OR52N2: variants seen among roughly 807,000 people sequenced by gnomAD.
OR52N2 encodes the protein olfactory receptor 52N2.
For synonymous variants in OR52N2, 129 were observed against 72.0 expected (o/e 1.79, Z -4.01); for missense variants, 326 against 196.6 (o/e 1.66, Z -3.94).
Position 5,809,037 on chromosome 11 carries a change from G to C in OR52N2, c.-72G>C, listed in dbSNP as rs1028937749. On this transcript the variant is annotated 5_prime_UTR_variant, in exon 1 of 2. Coordinates refer to ENST00000317037, the MANE Select transcript of OR52N2 (RefSeq NM_001005174.3). ...CCTGAGACTACCGCAACGGGGCATT[G>C]GAATGCGTCTCCCCTGGGTAGGATG... Among the ~76,000 whole-genome samples, 1 of 152,134 alleles carries C rather than the reference G, an allele frequency of 6.6e-6. No homozygotes were observed. The highest frequency in any genetic ancestry group is 1.5e-5 in the Non-Finnish European group (1 of 68,024).
chr11:5,810,228 T>C (rs73394317), intron 1 of OR52N2, among the ~76,000 whole-genome samples: 3 of 152,150 alleles, frequency 2.0e-5, no homozygotes, highest in Non-Finnish European at 4.4e-5. Flanking sequence ...GTGTCTATGC[T>C]AGGGACTGGA....
At chr11:5,809,325 G>C (rs1846333324) in intron 1 of OR52N2, among the ~76,000 whole-genome samples, 1 of 151,958 alleles carries the variant, frequency 6.6e-6, no homozygotes, top group Non-Finnish European at 1.5e-5. Flanking sequence ...CCATGGGCTG[G>C]GGTCCCCCAT....
At chr11:5,816,524 T>C (rs992447657) in intron 1 of OR52N2, among the ~76,000 whole-genome samples, 2 of 151,160 alleles carry the variant, frequency 1.3e-5, no homozygotes, top group African/African-American at 4.9e-5. Context: ...TGGTCTCCAA[T>C]TTAGGAAGCC....
chr11:5,820,486 A>G lies in OR52N2; in HGVS notation c.151A>G (p.Ile51Val). Residue 51 changes from isoleucine (I) to valine (V), a missense_variant, in exon 2 of 2, where the codon ATC becomes GTC. Transcript: ENST00000317037. ...GGGGAACTGTGGGCTCATCTGCCTC[A>G]TCAGCCATGAGGAGGCCCTGCACCG... The part of the protein sequence containing the change: ...VVGNCGLICL[I>V]SHEEALHRPM... 1.3e-6 allele frequency: 1 copy of G among 779,162 alleles called. No individual in the cohort carries two copies. The highest frequency in any genetic ancestry group is 2.4e-6 in the Non-Finnish European group (1 of 417,146). 48.3% of individuals were successfully genotyped at this position (779,162 alleles called of 1,614,324 possible). A position where few individuals can be genotyped will look rare whatever the true frequency, so the allele number is the denominator to read the frequency against.
chr11:5,820,382 T>G lies in OR52N2; in HGVS notation c.47T>G (p.Leu16Trp), dbSNP rs778638194. The G allele has an allele frequency of 2.6e-6, 2 of 780,932 alleles. No homozygotes were observed. Among genetic ancestry groups the G allele is most frequent in the Non-Finnish European group, 4.8e-6 (2 of 418,074 alleles). The allele number at this position is 780,932 out of a possible 1,614,324, so 48.4% of individuals were successfully genotyped here. Residue 16 changes from leucine (L) to tryptophan (W), a missense_variant, in exon 2 of 2, where the codon TTG becomes TGG. Coordinates refer to ENST00000317037, the MANE Select transcript of OR52N2 (RefSeq NM_001005174.3). ...SSSLTPGFFI[L>W]NGVPGLEATH... ...AGCCTGACCCCAGGATTCTTTATCT[T>G]GAATGGCGTTCCTGGGCTGGAAGCC...
intron 1 of OR52N2, among the ~76,000 whole-genome samples, chr11:5,814,031 T>C (rs1265014484): frequency 1.3e-5 from 2 of 152,134 alleles, no homozygotes; most frequent in Non-Finnish European, 2.9e-5. Flanking sequence ...AACACAAGTA[T>C]CAGAAGCCCA....
At chr11:5,816,290 C>G (rs1846403918) in intron 1 of OR52N2, among the ~76,000 whole-genome samples, 1 of 152,074 alleles carries the variant, frequency 6.6e-6, no homozygotes, top group Non-Finnish European at 1.5e-5. Context: ...TTTAATGCCA[C>G]TGAACTGTAT....
chr11:5,818,619 A>T (rs1846422768), intron 1 of OR52N2, among the ~76,000 whole-genome samples: 1 of 77,144 alleles, frequency 1.3e-5, no homozygotes, highest in Non-Finnish European at 2.8e-5. Flanking sequence ...CAACAGCCTG[A>T]TACACTGAAA....
chr11:5,817,029 G>A lies in OR52N2; in HGVS notation c.-54-3253G>A, dbSNP rs73394351. On this transcript the variant is annotated intron_variant, in intron 1 of 1. Transcript: ENST00000317037. ...ATGAAAGTTTTGTTTCCAAGGAGTC[G>A]CAGGAATCTTTATACACCTGTATGT... Among the ~76,000 whole-genome samples, 1,495 of 152,046 alleles carry A rather than the reference G, an allele frequency of 9.8e-3. 21 individuals are homozygous for A. The highest frequency in any genetic ancestry group is 0.029 in the Admixed American group (440 of 15,282).
chr11:5,815,993 T>G (rs1846401480), intron 1 of OR52N2, among the ~76,000 whole-genome samples: 1 of 151,976 alleles, frequency 6.6e-6, no homozygotes, highest in Non-Finnish European at 1.5e-5. Flanking sequence ...TACTCAGACT[T>G]AAAAAGGAAG....
chr11:5,812,116 A>T (rs1163327754), intron 1 of OR52N2, among the ~76,000 whole-genome samples: 1 of 152,092 alleles, frequency 6.6e-6, no homozygotes, highest in African/African-American at 2.4e-5. Context: ...ATGGGTCAAT[A>T]GGTACAGCAA....
chr11:5,816,064 G>T (rs1001092214), intron 1 of OR52N2, among the ~76,000 whole-genome samples: 5 of 152,044 alleles, frequency 3.3e-5, no homozygotes, highest in African/African-American at 1.2e-4. Flanking sequence ...AATAAAATAT[G>T]CCTGTCACAA....
chr11:5,811,408 G>A (rs1846359960), intron 1 of OR52N2, among the ~76,000 whole-genome samples: 1 of 152,058 alleles, frequency 6.6e-6, no homozygotes, highest in South Asian at 2.1e-4. Flanking sequence ...ATAAAAAGAA[G>A]TAAATGTGAC....
At chr11:5,815,232 C>T (rs1172559531) in intron 1 of OR52N2, among the ~76,000 whole-genome samples, 1 of 152,032 alleles carries the variant, frequency 6.6e-6, no homozygotes, top group East Asian at 1.9e-4. Flanking sequence ...ATAAATTAGA[C>T]TTTATGAAAT....
chr11:5,812,533 T>G (rs1486089201), intron 1 of OR52N2, among the ~76,000 whole-genome samples: 1 of 143,676 alleles, frequency 7.0e-6, no homozygotes, highest in Non-Finnish European at 1.5e-5. Flanking sequence ...AAAACAAAAA[T>G]TTAAAATAGT....
rs1846442071 is a variant in OR52N2, at chr11:5,820,698, C to T, written c.363C>T (p.Ala121=). The change falls in exon 2 of 2, where the codon GCC becomes GCT. Residue 121 remains alanine (A), a synonymous_variant. Transcript: ENST00000317037. ...AGTCTGGGGTGCTCATGCTCATGGC[C>T]CTGGACCGCTATGTGGCCATCTGCT... is the stretch of plus-strand genomic sequence containing the variant. ...GMESGVLMLM[A]LDRYVAICYP... The T allele has an allele frequency of 1.3e-6, 1 of 792,642 alleles. No homozygotes were observed. The highest frequency in any genetic ancestry group is 2.4e-5 in the East Asian group (1 of 41,286). 49.1% of individuals were successfully genotyped at this position (792,642 alleles called of 1,614,324 possible). A position where few individuals can be genotyped will look rare whatever the true frequency, so the allele number is the denominator to read the frequency against.
At chr11:5,817,810 A>T (rs143620131) in intron 1 of OR52N2, among the ~76,000 whole-genome samples, 263 of 152,332 alleles carry the variant, frequency 1.7e-3, no homozygotes, top group Non-Finnish European at 2.5e-3. Flanking sequence ...ATGCATACAG[A>T]GTGGATTAAG....
At position 5,821,424 on chromosome 11, in the gene OR52N2, C is replaced by T. The variant is rs145387687; in HGVS notation, c.*123C>T. On this transcript the variant is annotated 3_prime_UTR_variant, in exon 2 of 2. Coordinates refer to ENST00000317037, the MANE Select transcript of OR52N2 (RefSeq NM_001005174.3). ...AATTTACCCATGTAACAAACTTGCACGTGTACCTAAAATAAAAATAGAAAT... is the reference window on the plus strand; with the variant it reads ...AATTTACCCATGTAACAAACTTGCATGTGTACCTAAAATAAAAATAGAAAT... 7 of 591,540 alleles carry T rather than the reference C, an allele frequency of 1.2e-5. No homozygotes were observed. The highest frequency in any genetic ancestry group is 8.2e-5 in the East Asian group (3 of 36,546). The allele number at this position is 591,540 out of a possible 1,614,324, so 36.6% of individuals were successfully genotyped here. A position where few individuals can be genotyped will look rare whatever the true frequency, so the allele number is the denominator to read the frequency against.
At chr11:5,812,378 C>G (rs1446257701) in intron 1 of OR52N2, among the ~76,000 whole-genome samples, 3 of 150,406 alleles carry the variant, frequency 2.0e-5, no homozygotes, top group African/African-American at 7.4e-5. Flanking sequence ...GCCTATAGTC[C>G]CAGCTACTCA....
Sources: gnomAD v4.1 joint callset for allele counts (sites outside exome capture counted in the v4.1 genomes callset) on GRCh38, gnomAD v4.1.1 for gene constraint, MANE v1.5 for transcripts, NCBI Gene and HGNC (gene_info 2026-07-23, HGNC 2026-07-21) for gene names.